ABHD2: variants seen among roughly 807,000 people sequenced by gnomAD.
ABHD2 encodes abhydrolase domain containing 2, acylglycerol lipase.
In ABHD2, 20 loss-of-function variants were observed where a neutral mutation model predicts 48.1. The ratio of observed to expected loss-of-function variants is 0.42; its 90% confidence interval spans 0.29 to 0.60. The LOEUF is 0.60. ABHD2 is among the 20% of genes least tolerant of loss of function. The pLI, the probability that ABHD2 is intolerant of heterozygous loss-of-function variation, is 0.24. For missense variants in ABHD2, 405 were observed against 550.9 expected, an observed-to-expected ratio of 0.74 and a Z score of 2.65; for synonymous variants, 209 against 214.2, an observed-to-expected ratio of 0.98 and a Z score of 0.21.
the ABHD2 span, among the ~76,000 whole-genome samples, chr15:89,050,412 A>G: frequency 6.6e-6 from 1 of 152,214 alleles, no homozygotes; most frequent in Non-Finnish European, 1.5e-5. Flanking sequence ...GAGAACAACC[A>G]TGGGGCTATG....
At chr15:89,172,986 A>G (rs1254006916) in intron 5 of ABHD2, among the ~76,000 whole-genome samples, 1 of 152,212 alleles carries the variant, frequency 6.6e-6, no homozygotes, top group Non-Finnish European at 1.5e-5. Flanking sequence ...TGGGGCCACT[A>G]AGTGGTAGGC....
At chr15:89,067,216 A>G in the ABHD2 span, among the ~76,000 whole-genome samples, 1 of 151,730 alleles carries the variant, frequency 6.6e-6, no homozygotes, top group Non-Finnish European at 1.5e-5. Flanking sequence ...AGCCCACACT[A>G]TTTATTGGTG....
chr15:89,122,921 A>C (rs2050074463), intron 3 of ABHD2, among the ~76,000 whole-genome samples: 1 of 152,212 alleles, frequency 6.6e-6, no homozygotes. Flanking sequence ...TCTTCACTGG[A>C]TCCAAGAGAC....
chr15:89,095,871 G>A (rs1317759354), intron 1 of ABHD2, among the ~76,000 whole-genome samples: 1 of 152,122 alleles, frequency 6.6e-6, no homozygotes, highest in African/African-American at 2.4e-5. Flanking sequence ...CTGGAATGTT[G>A]GGATACCTAA....
chr15:89,191,688 C>T (rs983444157), intron 9 of ABHD2, among the ~76,000 whole-genome samples: 4 of 97,196 alleles, frequency 4.1e-5, no homozygotes, highest in Admixed American at 3.0e-4. Flanking sequence ...AGTGCAGTGG[C>T]GCAATCTCTG....
At chr15:89,054,367 C>G in the ABHD2 span, among the ~76,000 whole-genome samples, 2 of 151,574 alleles carry the variant, frequency 1.3e-5, no homozygotes, top group Non-Finnish European at 2.9e-5. Context: ...TGCTGTGCCA[C>G]CAAAATGTAT....
Position 89,092,914 on chromosome 15 carries a change from T to C in ABHD2, c.-107+4351T>C, listed in dbSNP as rs564629944. Among the ~76,000 whole-genome samples, 3 of 152,288 alleles carry C rather than the reference T, an allele frequency of 2.0e-5. No individual in the cohort carries two copies. The East Asian group carries it at 5.8e-4, about 29-fold the overall frequency. The stretch of plus-strand genomic sequence containing the variant: ...GCAGCTTTGCTGGAGATCTTAAAGA[T>C]CTTGTGAATATTTGGAGGCAAATAT... On this transcript the variant is annotated intron_variant, in intron 1 of 10. Transcript: ENST00000352732. This position sits in a 1 kb window ranked among gnomAD's most constrained non-coding sequence, Gnocchi z 4.4.
chr15:89,201,623 A>G lies in ABHD2; in HGVS notation c.*6200A>G. 6.3e-7 allele frequency: 1 copy of G among 1,591,936 alleles called. No homozygotes were observed. The highest frequency in any genetic ancestry group is 2.2e-5 in the East Asian group (1 of 44,806). Reference sequence around the variant, plus strand: ...CAATAATTCCACTGTTGGGCCTCACACAGTACCGGTGAGGCACGGTAGTCT... The same window carrying G: ...CAATAATTCCACTGTTGGGCCTCACGCAGTACCGGTGAGGCACGGTAGTCT... On this transcript the variant is annotated 3_prime_UTR_variant, in exon 11 of 11. Coordinates refer to ENST00000352732, the MANE Select transcript of ABHD2 (RefSeq NM_152924.5).
In ABHD2 at chr15:89,174,662, C is replaced by T. The variant is rs1444968385; in HGVS notation, c.539-1150C>T. Among the ~76,000 whole-genome samples, 2 of 152,212 alleles carry T rather than the reference C, an allele frequency of 1.3e-5. No individual in the cohort carries two copies. Among genetic ancestry groups the T allele is most frequent in the East Asian group, 3.8e-4 (2 of 5,202 alleles). On this transcript the variant is annotated intron_variant, in intron 5 of 10. Transcript: ENST00000352732. This position sits in a 1 kb window ranked among gnomAD's most constrained non-coding sequence, Gnocchi z 4.1. ...TGCCAAAGTCAACAACTCCCGTTTC[C>T]ATTGTAAATCCGTACTCTTCTCATG...
At chr15:89,156,916 A>C (rs1332874462) in intron 5 of ABHD2, among the ~76,000 whole-genome samples, 2 of 152,196 alleles carry the variant, frequency 1.3e-5, no homozygotes, top group African/African-American at 4.8e-5. Flanking sequence ...GAAATAACTA[A>C]AAATTATATC....
chr15:89,061,649 T>C, the ABHD2 span, among the ~76,000 whole-genome samples: 1 of 152,114 alleles, frequency 6.6e-6, no homozygotes, highest in Non-Finnish European at 1.5e-5. Flanking sequence ...CTCAGCTCGC[T>C]GCAGCCTCAA....
chr15:89,121,490 C>A (rs1020233190), intron 3 of ABHD2, among the ~76,000 whole-genome samples: 7 of 151,578 alleles, frequency 4.6e-5, no homozygotes, highest in Admixed American at 1.3e-4. Context: ...TTAAAGCTAT[C>A]ATTTACATAC....
rs773846892 is a variant in ABHD2, at chr15:89,094,791, G to A, written c.-107+6228G>A. Among the ~76,000 whole-genome samples, 7 of 151,736 alleles carry A rather than the reference G, an allele frequency of 4.6e-5. No homozygotes were observed. Among genetic ancestry groups the A allele is most frequent in the Admixed American group, 6.6e-5 (1 of 15,232 alleles). On this transcript the variant is annotated intron_variant, in intron 1 of 10. Coordinates refer to ENST00000352732, the MANE Select transcript of ABHD2 (RefSeq NM_152924.5). The surrounding 1 kb of genome is among the most constrained non-coding windows in gnomAD (Gnocchi z 4.7). The stretch of plus-strand genomic sequence containing the variant: ...TAAAAAGATATTTTAGCCTGGGTGC[G>A]GTGGCTCACACCTGTAATCCCAGTA...
chr15:89,057,016 C>A, the ABHD2 span, among the ~76,000 whole-genome samples: 1 of 148,396 alleles, frequency 6.7e-6, no homozygotes, highest in East Asian at 2.0e-4. Flanking sequence ...CGGGTTCAAG[C>A]GATTCTCCTG....
chr15:89,116,175 T>C lies in ABHD2; in HGVS notation c.-6-147T>C, dbSNP rs1041953766. The C allele has an allele frequency of 2.9e-6, 2 of 678,876 alleles. No individual in the cohort carries two copies. The highest frequency in any genetic ancestry group is 4.9e-6 in the Non-Finnish European group (2 of 407,448). 42.1% of individuals were successfully genotyped at this position (678,876 alleles called of 1,614,324 possible). On this transcript the variant is annotated intron_variant, in intron 2 of 10. Coordinates refer to ENST00000352732, the MANE Select transcript of ABHD2 (RefSeq NM_152924.5). The surrounding 1 kb of genome is among the most constrained non-coding windows in gnomAD (Gnocchi z 4.6). ...TAGTAGCTGTAAGATGCTGGTGGTG[T>C]CTGCCTGTCAGGAGCCTGCGGAAAC...
chr15:89,061,418 C>T, the ABHD2 span, among the ~76,000 whole-genome samples: 1 of 150,368 alleles, frequency 6.7e-6, no homozygotes, highest in Non-Finnish European at 1.5e-5. Context: ...AATTCCATCT[C>T]GGAAAAAAAA....
chr15:89,051,983 T>A, the ABHD2 span, among the ~76,000 whole-genome samples: 1 of 152,314 alleles, frequency 6.6e-6, no homozygotes, highest in Admixed American at 6.5e-5. Context: ...GAATATATTC[T>A]GGCAGTCACT....
chr15:89,052,749 A>T, the ABHD2 span, among the ~76,000 whole-genome samples: 1 of 152,170 alleles, frequency 6.6e-6, no homozygotes, highest in Admixed American at 6.5e-5. Context: ...CCCTGATCTC[A>T]GACTTCAGCC....
the ABHD2 span, among the ~76,000 whole-genome samples, chr15:89,078,662 A>T: frequency 6.6e-6 from 1 of 151,360 alleles, no homozygotes; most frequent in East Asian, 1.9e-4. Flanking sequence ...TTCAGAATAC[A>T]TATCCTCCTG....
Sources: allele counts gnomAD v4.1 joint callset (sites outside exome capture counted in the v4.1 genomes callset), GRCh38; gene constraint gnomAD v4.1.1; non-coding constraint Gnocchi (gnomAD v3.1); transcripts MANE v1.5; gene names NCBI Gene and HGNC (gene_info 2026-07-23, HGNC 2026-07-21).